EDAR: variants seen among roughly 807,000 people sequenced by gnomAD.
The protein encoded by EDAR is tumor necrosis factor receptor superfamily member EDAR.
A neutral mutation model predicts 51.3 loss-of-function variants in EDAR; 38 were observed. The ratio of observed to expected loss-of-function variants is 0.74; its 90% CI spans 0.57 to 0.97. EDAR has a LOEUF of 0.97. Ranked by LOEUF, EDAR falls within the 50% of genes least tolerant of loss-of-function variation. The probability of loss-of-function intolerance (pLI) is 0.00; values close to 1 mark genes in which losing one functional copy is unlikely to be tolerated. For missense variants in EDAR, 528 were observed against 595.0 expected, an observed-to-expected ratio of 0.89 and a Z score of 1.17; for synonymous variants, 227 against 242.1, an observed-to-expected ratio of 0.94 and a Z score of 0.58.
At chr2:108,951,033 G>A (rs886475640) in intron 1 of EDAR, among the ~76,000 whole-genome samples, 2 of 152,232 alleles carry the variant, frequency 1.3e-5, no homozygotes, top group African/African-American at 4.8e-5. Context: ...CTATATTGAA[G>A]GGGCCACTTG....
At chr2:108,944,686 T>A (rs1697680857) in intron 1 of EDAR, among the ~76,000 whole-genome samples, 1 of 152,020 alleles carries the variant, frequency 6.6e-6, no homozygotes, top group African/African-American at 2.4e-5. Context: ...AGGCCCTGGG[T>A]CCTGGTGTCT....
chr2:108,986,706 A>G (rs1272840083), intron 1 of EDAR, among the ~76,000 whole-genome samples: 3 of 152,258 alleles, frequency 2.0e-5, no homozygotes, highest in Non-Finnish European at 4.4e-5. Context: ...AGAAATGTAC[A>G]GCAGAGGTTA....
chr2:108,929,980 C>T, intron 3 of EDAR, 140 bp downstream of exon 3: 1 of 1,053,318 alleles, frequency 9.5e-7, no homozygotes, highest in African/African-American at 1.6e-5. Context: ...CCATCAATCT[C>T]AACGTCCAGG....
chr2:108,924,350 C>T (rs1028401318), intron 4 of EDAR, among the ~76,000 whole-genome samples: 2 of 152,200 alleles, frequency 1.3e-5, no homozygotes, highest in Non-Finnish European at 2.9e-5. Flanking sequence ...GCTCCCAGCT[C>T]GGGCGCCTTC....
intron 3 of EDAR, 66 bp from the exon 4 acceptor site, chr2:108,929,445 AC>A: frequency 6.5e-7 from 1 of 1,543,496 alleles, no homozygotes. Flanking sequence ...GACTCGGCCC[AC>A]AGTCCTTGGG....
intron 1 of EDAR, among the ~76,000 whole-genome samples, chr2:108,946,599 C>A (rs746107566): frequency 2.0e-5 from 3 of 152,206 alleles, no homozygotes; most frequent in Non-Finnish European, 4.4e-5. Flanking sequence ...TTCCACATGG[C>A]TGGCAGGCCT....
intron 1 of EDAR, among the ~76,000 whole-genome samples, chr2:108,951,397 C>G (rs1047883949): frequency 6.6e-6 from 1 of 152,164 alleles, no homozygotes; most frequent in African/African-American, 2.4e-5. Flanking sequence ...CAAGGTCATA[C>G]AGGAATTCGA....
At chr2:108,901,820 C>G (rs1462211082) in intron 11 of EDAR, among the ~76,000 whole-genome samples, 1 of 152,184 alleles carries the variant, frequency 6.6e-6, no homozygotes, top group Admixed American at 6.5e-5. Context: ...GTAAAAATAT[C>G]TAGCCAAACG....
At chr2:108,915,008 G>A (rs1574375509) in intron 5 of EDAR, among the ~76,000 whole-genome samples, 2 of 152,344 alleles carry the variant, frequency 1.3e-5, no homozygotes, top group South Asian at 2.1e-4. Flanking sequence ...TGCCTCCTGG[G>A]CTCAAGTGAT....
intron 1 of EDAR, among the ~76,000 whole-genome samples, chr2:108,973,209 A>G (rs572636013): frequency 6.6e-6 from 1 of 152,272 alleles, no homozygotes; most frequent in South Asian, 2.1e-4. Context: ...GCTGGTGTTG[A>G]ACTCCTGACA....
intron 1 of EDAR, among the ~76,000 whole-genome samples, chr2:108,937,751 A>ATGAATGTATGTGTG (rs1303549164): frequency 6.6e-6 from 1 of 151,924 alleles, no homozygotes; most frequent in Non-Finnish European, 1.5e-5. Flanking sequence ...GTGTATGCAT[A>ATGAATGTATGTGTG]TGAATGTATG....
At chr2:108,980,877 C>T (rs889983601) in intron 1 of EDAR, among the ~76,000 whole-genome samples, 21 of 152,128 alleles carry the variant, frequency 1.4e-4, no homozygotes, top group African/African-American at 5.1e-4. Flanking sequence ...CACCAACCCC[C>T]GTGTAGCTGC....
At chr2:108,937,548 T>G (rs1005619988) in intron 1 of EDAR, among the ~76,000 whole-genome samples, 1 of 151,958 alleles carries the variant, frequency 6.6e-6, no homozygotes, top group Non-Finnish European at 1.5e-5. Flanking sequence ...TGTGTGAGTG[T>G]GTGAATGTTA....
intron 4 of EDAR, among the ~76,000 whole-genome samples, chr2:108,924,765 A>G (rs1574382197): frequency 6.6e-6 from 1 of 152,232 alleles, no homozygotes; most frequent in East Asian, 1.9e-4. Flanking sequence ...CCTCCCAGAG[A>G]AGCCACGACA....
chr2:108,957,603 TAAACGTGGG>T (rs1697950843), intron 1 of EDAR, among the ~76,000 whole-genome samples: 1 of 152,232 alleles, frequency 6.6e-6, no homozygotes, highest in South Asian at 2.1e-4. Flanking sequence ...CACACCTGGA[TAAACGTGGG>T]TTAAGAGTAG....
chr2:108,920,108 A>AT (rs1254471780), intron 5 of EDAR, among the ~76,000 whole-genome samples: 10 of 152,128 alleles, frequency 6.6e-5, no homozygotes, highest in Non-Finnish European at 1.5e-4. Flanking sequence ...TGTGCTGTCC[A>AT]CACCGCCAGT....
intron 1 of EDAR, among the ~76,000 whole-genome samples, chr2:108,964,202 G>C (rs1226166217): frequency 6.6e-6 from 1 of 152,156 alleles, no homozygotes; most frequent in Non-Finnish European, 1.5e-5. Context: ...AAACATCCAG[G>C]CTTGTATAGA....
chr2:108,895,901 A>C lies in EDAR; in HGVS notation c.*1006T>G, dbSNP rs10182877. The C allele has an allele frequency of 2.1e-4, 32 of 152,340 alleles. No homozygotes were observed. The highest frequency in any genetic ancestry group is 7.7e-4 in the African/African-American group (32 of 41,578). 9.4% of individuals were successfully genotyped at this position (152,340 alleles called of 1,614,324 possible). ...GTCTTAGATGCTCTTGAAATCTAGAATTATGCGTGGCTGAACTCTTAGGAA... is the reference window on the plus strand; with the variant it reads ...GTCTTAGATGCTCTTGAAATCTAGACTTATGCGTGGCTGAACTCTTAGGAA... On this transcript the variant is annotated 3_prime_UTR_variant, in exon 12 of 12. Coordinates refer to ENST00000258443, the MANE Select transcript of EDAR (RefSeq NM_022336.4).
chr2:108,959,768 G>A (rs1031355785), intron 1 of EDAR, among the ~76,000 whole-genome samples: 3 of 152,152 alleles, frequency 2.0e-5, no homozygotes, highest in Admixed American at 1.3e-4. Flanking sequence ...AGCTTGATGA[G>A]GAGTGCTGGC....
Sources: allele counts gnomAD v4.1 joint callset (sites outside exome capture counted in the v4.1 genomes callset), GRCh38; gene constraint gnomAD v4.1.1; transcripts MANE v1.5; gene names NCBI Gene and HGNC (gene_info 2026-07-23, HGNC 2026-07-21).